UVRAG: variants seen among roughly 807,000 people sequenced by gnomAD.
UVRAG encodes UV radiation resistance associated, also known as UV radiation resistance-associated gene protein.
A neutral mutation model predicts 78.0 loss-of-function variants in UVRAG; 19 were observed. The observed-to-expected ratio is 0.24, with a 90% CI of 0.17 to 0.36. The LOEUF (loss-of-function observed/expected upper bound fraction) is 0.36, where lower values mean the gene tolerates loss of function less well. Ranked by LOEUF, UVRAG falls within the 10% of genes least tolerant of loss-of-function variation. The pLI is 1.00. For synonymous variants in UVRAG, 323 were observed against 324.6 expected (o/e 1.00, Z 0.05); for missense variants, 740 against 853.8 (o/e 0.87, Z 1.66).
At chr11:76,057,842 A>C (rs1315851071) in intron 12 of UVRAG, among the ~76,000 whole-genome samples, 1 of 151,978 alleles carries the variant, frequency 6.6e-6, no homozygotes, top group East Asian at 1.9e-4. Context: ...CCCTTACTCG[A>C]TCATGGGGGA....
At chr11:76,094,527 A>G (rs1454621829) in intron 13 of UVRAG, among the ~76,000 whole-genome samples, 1 of 152,126 alleles carries the variant, frequency 6.6e-6, no homozygotes, top group Non-Finnish European at 1.5e-5. Flanking sequence ...TTATTGCCTC[A>G]ATTTCAGAGC....
chr11:76,108,434 G>T (rs1310769955), intron 13 of UVRAG, among the ~76,000 whole-genome samples: 1 of 152,170 alleles, frequency 6.6e-6, no homozygotes, highest in Admixed American at 6.5e-5. Context: ...GTGATCTCCA[G>T]AGCTGCAAGT....
intron 8 of UVRAG, among the ~76,000 whole-genome samples, chr11:75,984,037 C>T (rs181394880): frequency 6.6e-6 from 1 of 152,120 alleles, no homozygotes; most frequent in Non-Finnish European, 1.5e-5. Flanking sequence ...CCCGGACTTA[C>T]AATGGTTTGA....
At chr11:76,048,850 G>C (rs368205820) in intron 12 of UVRAG, among the ~76,000 whole-genome samples, 7 of 152,316 alleles carry the variant, frequency 4.6e-5, no homozygotes, top group East Asian at 3.9e-4. Context: ...TAGTTTAACA[G>C]ATTTATGCAC....
chr11:75,926,060 A>T (rs1340066431), intron 6 of UVRAG, among the ~76,000 whole-genome samples: 1 of 151,388 alleles, frequency 6.6e-6, no homozygotes, highest in African/African-American at 2.4e-5. Flanking sequence ...TTGATGATAC[A>T]CCAACATAAA....
At chr11:75,929,440 G>C (rs1456862882) in intron 6 of UVRAG, among the ~76,000 whole-genome samples, 1 of 152,112 alleles carries the variant, frequency 6.6e-6, no homozygotes, top group Admixed American at 6.6e-5. Context: ...ATGAGTAGGT[G>C]CCCAAAGGAA....
intron 12 of UVRAG, among the ~76,000 whole-genome samples, chr11:76,048,915 GT>G (rs768578526): frequency 4.4e-4 from 67 of 152,244 alleles, no homozygotes; most frequent in Non-Finnish European, 7.9e-4. Context: ...GAACATGGCT[GT>G]GCTGCAGCCA....
intron 12 of UVRAG, among the ~76,000 whole-genome samples, chr11:76,051,620 T>C (rs1444900739): frequency 6.6e-6 from 1 of 152,198 alleles, no homozygotes; most frequent in East Asian, 1.9e-4. Flanking sequence ...GAATTCAATT[T>C]CCCTGAAATT....
chr11:76,015,745 G>A (rs1036997501), intron 11 of UVRAG, among the ~76,000 whole-genome samples: 3 of 152,154 alleles, frequency 2.0e-5, no homozygotes, highest in South Asian at 2.1e-4. Context: ...TAGTGCTTAC[G>A]TAATTAAGTG....
chr11:76,037,172 A>G (rs1459169309), intron 12 of UVRAG, among the ~76,000 whole-genome samples: 1 of 152,182 alleles, frequency 6.6e-6, no homozygotes, highest in African/African-American at 2.4e-5. Context: ...AAAGTTATAG[A>G]CAAATATCTT....
intron 13 of UVRAG, among the ~76,000 whole-genome samples, chr11:76,101,565 C>T (rs1951880279): frequency 6.6e-6 from 1 of 152,224 alleles, no homozygotes; most frequent in South Asian, 2.1e-4. Flanking sequence ...TTTTGCTGTG[C>T]AGAAGCTCTT....
At chr11:75,877,485 A>C (rs1159078306) in intron 3 of UVRAG, among the ~76,000 whole-genome samples, 2 of 142,434 alleles carry the variant, frequency 1.4e-5, no homozygotes, top group African/African-American at 5.3e-5. Flanking sequence ...TCCCTCCCGG[A>C]CGGGGCGGCT....
intron 12 of UVRAG, among the ~76,000 whole-genome samples, chr11:76,037,957 A>T (rs1950568951): frequency 6.6e-6 from 1 of 152,186 alleles, no homozygotes; most frequent in South Asian, 2.1e-4. Context: ...TTAGACAAAA[A>T]CAAACAAAAG....
At chr11:76,108,223 C>T (rs974394419) in intron 13 of UVRAG, among the ~76,000 whole-genome samples, 1 of 152,116 alleles carries the variant, frequency 6.6e-6, no homozygotes, top group East Asian at 1.9e-4. Flanking sequence ...CTGCATTTCT[C>T]CTGTGCCAAA....
intron 9 of UVRAG, among the ~76,000 whole-genome samples, chr11:76,004,639 ATT>A (rs1949891221): frequency 6.6e-6 from 1 of 151,424 alleles, no homozygotes; most frequent in Non-Finnish European, 1.5e-5. Flanking sequence ...TCATTCATTC[ATT>A]CATAGACAGG....
At chr11:75,889,385 G>T (rs1947166999) in intron 5 of UVRAG, among the ~76,000 whole-genome samples, 2 of 152,208 alleles carry the variant, frequency 1.3e-5, no homozygotes. Flanking sequence ...TACTGTGCCA[G>T]GTGATTCTTG....
intron 13 of UVRAG, among the ~76,000 whole-genome samples, chr11:76,111,007 C>T (rs932695022): frequency 2.0e-5 from 3 of 152,018 alleles, no homozygotes; most frequent in Non-Finnish European, 2.9e-5. Context: ...GCGCACACCA[C>T]CACACCTGGC....
intron 1 of UVRAG, among the ~76,000 whole-genome samples, chr11:75,828,641 G>C (rs1388724670): frequency 2.7e-5 from 4 of 147,294 alleles, no homozygotes; most frequent in African/African-American, 1.0e-4. Context: ...ACCATGCCTG[G>C]CTAATTTATA....
At chr11:76,057,610 C>T (rs1425606651) in intron 12 of UVRAG, among the ~76,000 whole-genome samples, 1 of 152,164 alleles carries the variant, frequency 6.6e-6, no homozygotes, top group Admixed American at 6.5e-5. Flanking sequence ...CACAGCCAGC[C>T]ATTTCCATCT....
Sources: gnomAD v4.1 joint callset for allele counts (sites outside exome capture counted in the v4.1 genomes callset) on GRCh38, gnomAD v4.1.1 for gene constraint, MANE v1.5 for transcripts, NCBI Gene and HGNC (gene_info 2026-07-23, HGNC 2026-07-21) for gene names.